The following IMMT variants were observed in gnomAD, a reference collection of about 807,000 sequenced individuals.
IMMT encodes inner membrane mitochondrial protein.
Under a neutral mutation model 92.7 loss-of-function variants are expected in IMMT, and 40 were observed. The observed-to-expected ratio is 0.43, with a 90% CI of 0.34 to 0.56. The LOEUF is 0.56. IMMT is among the 20% of genes least tolerant of loss of function. The probability of loss-of-function intolerance (pLI) is 0.03; values close to 1 mark genes in which losing one functional copy is unlikely to be tolerated. For missense variants in IMMT, 831 were observed against 912.1 expected, an observed-to-expected ratio of 0.91 and a Z score of 1.14; for synonymous variants, 322 against 336.1, an observed-to-expected ratio of 0.96 and a Z score of 0.46.
chr2:86,186,854 T>C (rs1296537121), intron 1 of IMMT, among the ~76,000 whole-genome samples: 1 of 152,242 alleles, frequency 6.6e-6, no homozygotes, highest in Non-Finnish European at 1.5e-5. Flanking sequence ...TTTAAATTCA[T>C]GGATTTAAAC....
intron 3 of IMMT, among the ~76,000 whole-genome samples, chr2:86,175,075 T>G (rs143793494): frequency 5.4e-4 from 82 of 152,324 alleles, no homozygotes; most frequent in Middle Eastern, 6.8e-3. Context: ...AATTAAAGTT[T>G]GTGTGTGATC....
intron 1 of IMMT, among the ~76,000 whole-genome samples, chr2:86,190,501 G>T (rs1440885218): frequency 6.6e-6 from 1 of 152,220 alleles, no homozygotes; most frequent in African/African-American, 2.4e-5. Context: ...GAAAGCCCAT[G>T]TCCTCCAAAC....
At chr2:86,185,083 G>A (rs1672678769) in intron 1 of IMMT, among the ~76,000 whole-genome samples, 1 of 151,968 alleles carries the variant, frequency 6.6e-6, no homozygotes, top group Non-Finnish European at 1.5e-5. Flanking sequence ...AGCTACTCGG[G>A]AGGCTGAGGC....
chr2:86,166,144 C>T lies in IMMT; in HGVS notation c.792+364G>A, dbSNP rs1388079265. Reference sequence around the variant, plus strand: ...GTCAAGAGTTCCAGTCCAGCCTGGCCAAAATGGCAAACCCTGTCTCTACTA... The same window carrying T: ...GTCAAGAGTTCCAGTCCAGCCTGGCTAAAATGGCAAACCCTGTCTCTACTA... On this transcript the variant is annotated intron_variant, in intron 7 of 14. Coordinates refer to ENST00000410111, the MANE Select transcript of IMMT (RefSeq NM_006839.3). Among the ~76,000 whole-genome samples, 3 of 152,104 alleles carry T rather than the reference C, an allele frequency of 2.0e-5. No homozygotes were observed. In the East Asian group the frequency reaches 5.8e-4, roughly 29 times the overall value.
chr2:86,149,178 T>C (rs898720936), intron 12 of IMMT, among the ~76,000 whole-genome samples: 1 of 152,140 alleles, frequency 6.6e-6, no homozygotes, highest in Admixed American at 6.5e-5. Context: ...ACTGAAGGGA[T>C]AGGAAATCTC....
At chr2:86,147,965 G>A (rs1445920805) in intron 12 of IMMT, 132 bp from the exon 13 acceptor site, 5 of 761,180 alleles carry the variant, frequency 6.6e-6, no homozygotes, top group Non-Finnish European at 1.1e-5. Flanking sequence ...CCAGGCATGT[G>A]TACACTTCTA....
chr2:86,172,405 G>A (rs1374766866), intron 4 of IMMT, among the ~76,000 whole-genome samples: 2 of 151,988 alleles, frequency 1.3e-5, no homozygotes, highest in Non-Finnish European at 2.9e-5. Flanking sequence ...GTGTAGGGGT[G>A]CAATCATAGC....
At chr2:86,178,641 AAACT>A (rs1352236711) in intron 3 of IMMT, among the ~76,000 whole-genome samples, 1 of 152,136 alleles carries the variant, frequency 6.6e-6, no homozygotes, top group East Asian at 1.9e-4. Flanking sequence ...AAAAAAAAGA[AAACT>A]AACATACATA....
chr2:86,183,802 T>C (rs953727344), intron 1 of IMMT, among the ~76,000 whole-genome samples: 11 of 152,218 alleles, frequency 7.2e-5, no homozygotes, highest in Non-Finnish European at 1.3e-4. Context: ...AGTTCAAGGA[T>C]ATATATTTTA....
At position 86,144,295 on chromosome 2, in the gene IMMT, T is replaced by C. The variant is rs1214771418; in HGVS notation, c.2250A>G (p.Ile750Met). The change falls in exon 15 of 15, where the codon ATA becomes ATG. Residue 750 changes from isoleucine to methionine, a missense_variant. Ile to Met is a conservative substitution (Grantham distance 10). Transcript: ENST00000410111. ...ACTCTGGCTGCACCTGAGTGGTTCCTATTCCTACGGCGCTGGCATATGCTG... is the reference window on the plus strand; with the variant it reads ...ACTCTGGCTGCACCTGAGTGGTTCCCATTCCTACGGCGCTGGCATATGCTG... ...ILTAYASAVGIGTTQVQPE is the reference protein window; with the variant it reads ...ILTAYASAVGMGTTQVQPE 6.2e-7 allele frequency: 1 copy of C among 1,614,014 alleles called. No individual in the cohort carries two copies. Among genetic ancestry groups the C allele is most frequent in the Admixed American group, 1.7e-5 (1 of 60,022 alleles).
At chr2:86,175,109 TTCCTC>T (rs1677341692) in intron 3 of IMMT, among the ~76,000 whole-genome samples, 3 of 152,314 alleles carry the variant, frequency 2.0e-5, no homozygotes, top group East Asian at 3.9e-4. Context: ...AGTTGTTTTA[TTCCTC>T]TAATTTCTTT....
rs745647842 is a variant in IMMT at position 86,144,706 on chromosome 2, G to C, written c.1839C>G (p.Thr613=). 3 of 1,613,962 alleles carry C rather than the reference G, an allele frequency of 1.9e-6. No homozygotes were observed. Among genetic ancestry groups the C allele is most frequent in the Non-Finnish European group, 1.7e-6 (2 of 1,179,888 alleles). The change falls in exon 15 of 15, where the codon ACC becomes ACG. Residue 613 remains threonine (T), a synonymous_variant. Transcript: ENST00000410111. The part of the protein sequence containing the change: ...CSDNEFTQAL[T]AAIPPESLTR... ...TCAGGGACTCTGGAGGGATAGCTGC[G>C]GTTAAAGCTTGGGTGAATTCATTAT...
chr2:86,183,381 T>C (rs1249275221), intron 1 of IMMT, among the ~76,000 whole-genome samples: 1 of 152,150 alleles, frequency 6.6e-6, no homozygotes, highest in Non-Finnish European at 1.5e-5. Flanking sequence ...GGTCTCAACC[T>C]ATTCTCCTGC....
chr2:86,161,867 A>G, intron 8 of IMMT, 109 bp downstream of exon 8: 2 of 720,068 alleles, frequency 2.8e-6, no homozygotes. Context: ...AAGTGAGAGA[A>G]GGGTTTCTCT....
At chr2:86,159,507 T>C in intron 9 of IMMT, 29 bp downstream of exon 9, 2 of 1,458,626 alleles carry the variant, frequency 1.4e-6, no homozygotes, top group South Asian at 1.2e-5. Flanking sequence ...TTTTAAAATA[T>C]AAAATACTAT....
intron 2 of IMMT, among the ~76,000 whole-genome samples, chr2:86,180,080 AAAATAAAT>A (rs58209730): frequency 6.6e-6 from 1 of 151,872 alleles, no homozygotes; most frequent in African/African-American, 2.4e-5. Context: ...CTTGTCTCAA[AAAATAAAT>A]AAATAAATAA....
At chr2:86,168,392 G>A (rs541074669) in intron 6 of IMMT, among the ~76,000 whole-genome samples, 3 of 152,328 alleles carry the variant, frequency 2.0e-5, no homozygotes, top group East Asian at 3.9e-4. Flanking sequence ...GGAGGCCGAG[G>A]CAGGTGTATC....
At chr2:86,185,102 C>T (rs1276556757) in intron 1 of IMMT, among the ~76,000 whole-genome samples, 2 of 151,932 alleles carry the variant, frequency 1.3e-5, no homozygotes, top group African/African-American at 4.8e-5. Context: ...GCAGCATGAA[C>T]CCGGGAGGCA....
intron 1 of IMMT, among the ~76,000 whole-genome samples, chr2:86,182,499 G>A (rs564533671): frequency 6.6e-6 from 1 of 152,298 alleles, no homozygotes; most frequent in Non-Finnish European, 1.5e-5. Flanking sequence ...CAAATCAGAT[G>A]TTTTAAAATA....
Sources: allele counts gnomAD v4.1 joint callset (sites outside exome capture counted in the v4.1 genomes callset), GRCh38; gene constraint gnomAD v4.1.1; transcripts MANE v1.5; gene names NCBI Gene and HGNC (gene_info 2026-07-23, HGNC 2026-07-21).